ADAM33: variants seen among roughly 807,000 people sequenced by gnomAD.
ADAM33 encodes disintegrin and metalloproteinase domain-containing protein 33.
In ADAM33, 103 loss-of-function variants were observed where a neutral mutation model predicts 106.2. The observed-to-expected ratio is 0.97, with a 90% CI of 0.83 to 1.14. The LOEUF (loss-of-function observed/expected upper bound fraction) is 1.14. ADAM33 is among the 50% of genes most tolerant of loss of function. ADAM33 has a pLI of 0.00. For missense variants in ADAM33, 1,120 were observed against 1,096.6 expected, an observed-to-expected ratio of 1.02 and a Z score of -0.30; for synonymous variants, 483 against 453.0, an observed-to-expected ratio of 1.07 and a Z score of -0.84.
Position 3,672,750 on chromosome 20 carries a change from C to G in ADAM33, c.1282G>C (p.Gly428Arg). 1.3e-6 allele frequency: 2 copies of G among 1,568,428 alleles called. No individual in the cohort carries two copies. The highest frequency in any genetic ancestry group is 1.7e-6 in the Non-Finnish European group (2 of 1,156,888). ...ALCGNGFVEAGEECDCGPGQE... is the reference protein window; with the variant it reads ...ALCGNGFVEAREECDCGPGQE... ...CCAGGGCCGCAGTCACACTCCTCGC[C>G]CGCTTCCACGAAGCCGTTCCCGCAG... The change falls in exon 12 of 22, where the codon GGC (glycine) becomes CGC (arginine). Residue 428 changes from glycine to arginine, a missense_variant. Physicochemically the swap from Gly to Arg is moderately radical, Grantham distance 125. Transcript: ENST00000356518.
In ADAM33 at chr20:3,668,992, C is replaced by T. The variant is rs766607508; in HGVS notation, c.2413G>A (p.Val805Ile). ...AVSPDPQADQ[V>I]QMPRSCLW ...CAGAGGCAGGATCTTGGCATCTGGA[C>T]TTGATCTGCTGAGAATGAGGAGGAT... Residue 805 changes from valine to isoleucine, a missense_variant, in exon 22 of 22, where the codon GTC becomes ATC. Transcript: ENST00000356518. 1 of 1,482,978 alleles carries T rather than the reference C, an allele frequency of 6.7e-7. No individual in the cohort carries two copies. 91.9% of individuals were successfully genotyped at this position (1,482,978 alleles called of 1,614,324 possible). A position where few individuals can be genotyped will look rare whatever the true frequency, so the allele number is the denominator to read the frequency against.
chr20:3,676,576 T>C (rs1350700707), intron 3 of ADAM33, among the ~76,000 whole-genome samples: 1 of 151,956 alleles, frequency 6.6e-6, no homozygotes, highest in Non-Finnish European at 1.5e-5. Context: ...GTAGCTGGGA[T>C]TACAGGCGCC....
At chr20:3,681,518 G>C (rs1047297782) in intron 1 of ADAM33, among the ~76,000 whole-genome samples, 1 of 152,172 alleles carries the variant, frequency 6.6e-6, no homozygotes. Context: ...AGTCCTAAGG[G>C]GTGGAGGAGC....
intron 1 of ADAM33, among the ~76,000 whole-genome samples, chr20:3,679,819 G>A (rs904237516): frequency 2.6e-5 from 4 of 152,194 alleles, no homozygotes; most frequent in Non-Finnish European, 5.9e-5. Flanking sequence ...CTGGGGACAC[G>A]GGAGTCCCCT....
At chr20:3,669,480 G>A (rs2280089) in intron 20 of ADAM33, 66 bp downstream of exon 20, 202,579 of 1,538,446 alleles carry the variant, frequency 0.13, 13,778 homozygotes, top group Middle Eastern at 0.2. Flanking sequence ...CATCTGGAAG[G>A]AGGCAGGAGG....
chr20:3,670,072 A>C, intron 19 of ADAM33: 1 of 277,150 alleles, frequency 3.6e-6, no homozygotes, highest in Admixed American at 4.8e-5. Flanking sequence ...ATTTCCTGTG[A>C]TGTTCCTTCA....
At position 3,674,502 on chromosome 20, in the gene ADAM33, A is replaced by C; in HGVS notation, c.600+2T>G. 3 of 1,612,868 alleles carry C rather than the reference A, an allele frequency of 1.9e-6. No homozygotes were observed. The highest frequency in any genetic ancestry group is 2.5e-6 in the Non-Finnish European group (3 of 1,179,772). Reference sequence around the variant, plus strand: ...CACTCCCATCCGATCGATGCCCCTGACCCTGCTCTGGGGACCACCAGGAAG... The same window carrying C: ...CACTCCCATCCGATCGATGCCCCTGCCCCTGCTCTGGGGACCACCAGGAAG... On this transcript the variant is annotated splice_donor_variant, in intron 6 of 21. Transcript: ENST00000356518. LOFTEE classifies it high-confidence loss of function.
intron 11 of ADAM33, 56 bp downstream of exon 11, chr20:3,673,298 G>C (rs1489808775): frequency 3.3e-6 from 5 of 1,534,740 alleles, no homozygotes; most frequent in African/African-American, 2.7e-5. Context: ...AAACGCAGCG[G>C]AGGAAGTCCC....
At chr20:3,669,513 T>C (rs1372840629) in intron 20 of ADAM33, 33 bp downstream of exon 20, 43 of 1,552,964 alleles carry the variant, frequency 2.8e-5, no homozygotes, top group Non-Finnish European at 3.5e-5. Flanking sequence ...CCTTCTCCCT[T>C]CCCTCTCCAC....
chr20:3,681,492 G>C (rs1283978691), intron 1 of ADAM33, among the ~76,000 whole-genome samples: 2 of 152,192 alleles, frequency 1.3e-5, no homozygotes, highest in Non-Finnish European at 2.9e-5. Context: ...GCTTCCTAGA[G>C]GACGGAGCCC....
intron 1 of ADAM33, among the ~76,000 whole-genome samples, 158 bp downstream of exon 1, chr20:3,681,750 A>AC (rs530289463): frequency 2.0e-4 from 31 of 151,254 alleles, no homozygotes; most frequent in Admixed American, 1.3e-3. Context: ...TCCCACGGAG[A>AC]CCCCCCCAAA....
Position 3,673,592 on chromosome 20 carries a change from G to A in ADAM33, c.972C>T (p.Ser324=). 1 of 1,374,738 alleles carries A rather than the reference G, an allele frequency of 7.3e-7. No individual in the cohort carries two copies. Among genetic ancestry groups the A allele is most frequent in the Non-Finnish European group, 9.3e-7 (1 of 1,071,514 alleles). The allele number at this position is 1,374,738 out of a possible 1,614,324, so 85.2% of individuals were successfully genotyped here. ...GGCTCACCGTGCTCACGCCTCCCGA[G>A]CTCTCGGCGCGGCACATGCCCTCGA... ...APVEGMCRAE[S]SGGVSTDHSE... is the part of the protein sequence containing the mutation. The change falls in exon 10 of 22, where the codon AGC becomes AGT. Residue 324 remains serine (S), a synonymous_variant. Transcript: ENST00000356518.
chr20:3,672,258 G>A lies in ADAM33; in HGVS notation c.1473C>T (p.Thr491=), dbSNP rs759541350. The change falls in exon 14 of 22, where the codon ACC becomes ACT. Residue 491 remains threonine, a synonymous_variant. Coordinates refer to ENST00000356518, the MANE Select transcript of ADAM33 (RefSeq NM_025220.5). ...AAACGTCTGGGGGACAGTGGGAGGA[G>A]GTGCCCGTGCAAAACTCAGGGAGGT... ...DCDLPEFCTG[T]SSHCPPDVYL... 10 of 1,613,398 alleles carry A rather than the reference G, an allele frequency of 6.2e-6. No individual in the cohort carries two copies. The highest frequency in any genetic ancestry group is 8.5e-6 in the Non-Finnish European group (10 of 1,180,020).
Position 3,671,122 on chromosome 20 carries a change from G to A in ADAM33, c.2124C>T (p.Leu708=). 1 of 1,609,080 alleles carries A rather than the reference G, an allele frequency of 6.2e-7. No homozygotes were observed. Among genetic ancestry groups the A allele is most frequent in the Non-Finnish European group, 8.5e-7 (1 of 1,177,940 alleles). ...CTGGGAGCAGAGGCAGCAGGACGCT[G>A]AGGAGCATGGCCAGCAGGAAGGTGT... ...NHDTFLLAML[L]SVLLPLLPGA... is the part of the protein sequence containing the mutation. The change falls in exon 19 of 22, where the codon CTC becomes CTT. Residue 708 remains leucine, a synonymous_variant. Coordinates refer to ENST00000356518, the MANE Select transcript of ADAM33 (RefSeq NM_025220.5).
intron 2 of ADAM33, among the ~76,000 whole-genome samples, chr20:3,678,853 T>C (rs559860500): frequency 1.3e-5 from 2 of 152,272 alleles, no homozygotes; most frequent in South Asian, 2.1e-4. Flanking sequence ...AGCACAGATA[T>C]TATGGCACAA....
rs758546289 is a variant in ADAM33 at position 3,672,203 on chromosome 20, C to T, written c.1528G>A (p.Gly510Ser). The change falls in exon 14 of 22, where the codon GGC becomes AGC. Residue 510 changes from glycine (G) to serine (S), a missense_variant. Physicochemically the swap from Gly to Ser is moderately conservative, Grantham distance 56. Transcript: ENST00000356518. ...YLLDGSPCAR[G>S]SGYCWDGACP... The stretch of plus-strand genomic sequence containing the variant: ...GCGCCATCCCAGCAGTAGCCACTGC[C>T]CCTGGCACAGGGTGAGCCGTCCAGT... 2.0e-5 allele frequency: 33 copies of T among 1,613,320 alleles called. No individual in the cohort carries two copies. In the South Asian group the frequency reaches 3.1e-4, roughly 15 times the overall value.
Position 3,668,692 on chromosome 20 carries a change from T to C in ADAM33, c.*271A>G. ...ACCCAGCCTCCACTGGTGAGGGAGG[T>C]CAGGGGCTGTGTGACCTTTGCTTCT... On this transcript the variant is annotated 3_prime_UTR_variant, in exon 22 of 22. Transcript: ENST00000356518. 2.0e-6 allele frequency: 1 copy of C among 495,196 alleles called. No individual in the cohort carries two copies. The highest frequency in any genetic ancestry group is 3.7e-6 in the Non-Finnish European group (1 of 271,094). The allele number at this position is 495,196 out of a possible 1,614,324, so 30.7% of individuals were successfully genotyped here. A position where few individuals can be genotyped will look rare whatever the true frequency, so the allele number is the denominator to read the frequency against.
chr20:3,669,684 G>A (rs1305812672), intron 19 of ADAM33, 47 bp from the exon 20 acceptor site: 1 of 1,520,948 alleles, frequency 6.6e-7, no homozygotes, highest in Non-Finnish European at 9.0e-7. Context: ...GTGATCCTGA[G>A]TGGGTTATTG....
At chr20:3,670,820 C>T (rs1300541188) in intron 19 of ADAM33, among the ~76,000 whole-genome samples, 186 bp downstream of exon 19, 3 of 152,180 alleles carry the variant, frequency 2.0e-5, no homozygotes, top group African/African-American at 7.2e-5. Context: ...CAGGGATCCA[C>T]CCCCTCGCTT....
Sources: allele counts gnomAD v4.1 joint callset (sites outside exome capture counted in the v4.1 genomes callset), GRCh38; gene constraint gnomAD v4.1.1; transcripts MANE v1.5; gene names NCBI Gene and HGNC (gene_info 2026-07-23, HGNC 2026-07-21).